The following EMILIN2 variants were observed in gnomAD, a reference collection of about 807,000 sequenced individuals.
EMILIN2 encodes the protein EMILIN-2.
A neutral mutation model predicts 87.1 loss-of-function variants in EMILIN2; 71 were observed. The observed-to-expected ratio is 0.82, with a 90% confidence interval of 0.67 to 0.99. The LOEUF is 0.99. EMILIN2 is among the 50% of genes least tolerant of loss of function. The pLI, the probability that EMILIN2 is intolerant of heterozygous loss-of-function variation, is 0.00. For synonymous variants in EMILIN2, 581 were observed against 563.4 expected (o/e 1.03, Z -0.44); for missense variants, 1,407 against 1,371.8 (o/e 1.03, Z -0.40).
At chr18:2,846,988 C>A, upstream of EMILIN2, 2 of 1,014,648 alleles carry the variant, frequency 2.0e-6, no homozygotes, top group Non-Finnish European at 2.4e-6. This position sits in a 1 kb window ranked among gnomAD's most constrained non-coding sequence, Gnocchi z 5.3. Flanking sequence ...GGGAGAAGCG[C>A]AGGGCGCACG....
intron 7 of EMILIN2, among the ~76,000 whole-genome samples, chr18:2,910,912 A>AG (rs2076937588): frequency 6.6e-6 from 1 of 152,296 alleles, no homozygotes; most frequent in East Asian, 1.9e-4. Flanking sequence ...TCAGGGCGAG[A>AG]GGGAACGCCA....
intron 2 of EMILIN2, among the ~76,000 whole-genome samples, chr18:2,862,093 G>A (rs1274179580): frequency 6.6e-6 from 1 of 152,194 alleles, no homozygotes; most frequent in Non-Finnish European, 1.5e-5. Flanking sequence ...TGTATCCTGA[G>A]ACTTTGCTGA....
intron 2 of EMILIN2, among the ~76,000 whole-genome samples, chr18:2,878,061 A>T (rs59137814): frequency 0.043 from 6,596 of 152,182 alleles, 481 homozygotes; most frequent in African/African-American, 0.15. Context: ...GAATGGGGAG[A>T]TGGTGTTTAA....
At chr18:2,912,902 T>C (rs1429843743) in intron 7 of EMILIN2, among the ~76,000 whole-genome samples, 165 bp from the exon 8 acceptor site, 1 of 151,890 alleles carries the variant, frequency 6.6e-6, no homozygotes, top group Non-Finnish European at 1.5e-5. Context: ...GGGTAGGCTG[T>C]AGGGGATGAG....
Position 2,892,308 on chromosome 18 carries a change from G to GGA in EMILIN2, c.2183_2184dup (p.Gly729ArgfsTer17). 5.6e-6 allele frequency: 9 copies of GGA among 1,614,220 alleles called. No individual in the cohort carries two copies. Among genetic ancestry groups the GGA allele is most frequent in the Admixed American group, 1.7e-5 (1 of 60,026 alleles). On this transcript the variant is annotated frameshift_variant, in exon 4 of 8. Coordinates refer to ENST00000254528, the MANE Select transcript of EMILIN2 (RefSeq NM_032048.3). LOFTEE classifies it high-confidence loss of function. ...TCTCAGGAAATCTTCAGAGGATCAA[G>GGA]GAGGGGCTCAACAAGCATGTCAGCA... is the stretch of plus-strand genomic sequence containing the variant.
At chr18:2,896,846 G>C (rs1020983291) in intron 4 of EMILIN2, among the ~76,000 whole-genome samples, 1 of 152,044 alleles carries the variant, frequency 6.6e-6, no homozygotes, top group Non-Finnish European at 1.5e-5. Flanking sequence ...GGAGACAAAA[G>C]GTCCACAAGT....
intron 4 of EMILIN2, among the ~76,000 whole-genome samples, chr18:2,898,177 A>G (rs1236567973): frequency 1.3e-5 from 2 of 152,136 alleles, no homozygotes; most frequent in East Asian, 3.9e-4. Flanking sequence ...TGAGTGACCC[A>G]TGAGTGATTC....
Position 2,878,206 on chromosome 18 carries a change from G to T in EMILIN2, c.258-6758G>T, listed in dbSNP as rs539412821. On this transcript the variant is annotated intron_variant, in intron 2 of 7. Coordinates refer to ENST00000254528, the MANE Select transcript of EMILIN2 (RefSeq NM_032048.3). ...AAGTGGTTAAGATGCTAAATTTCAG[G>T]TGGCCGGGTGTGGTGGCTCACACCT... Among the ~76,000 whole-genome samples, 23 of 152,236 alleles carry T rather than the reference G, an allele frequency of 1.5e-4. No individual in the cohort carries two copies. In the South Asian group the frequency reaches 4.6e-3, roughly 30 times the overall value.
chr18:2,849,310 A>G (rs1334482564), intron 2 of EMILIN2, among the ~76,000 whole-genome samples: 1 of 152,198 alleles, frequency 6.6e-6, no homozygotes, highest in Non-Finnish European at 1.5e-5. Context: ...TTAGTCAGGA[A>G]TATTTTATTC....
intron 4 of EMILIN2, among the ~76,000 whole-genome samples, chr18:2,898,916 C>G (rs1251092422): frequency 6.6e-6 from 1 of 152,160 alleles, no homozygotes; most frequent in African/African-American, 2.4e-5. Flanking sequence ...TAGGGAACTC[C>G]TGACAACTCG....
chr18:2,856,026 C>T (rs753175148), intron 2 of EMILIN2, among the ~76,000 whole-genome samples: 2 of 152,222 alleles, frequency 1.3e-5, no homozygotes, highest in South Asian at 2.1e-4. Context: ...CGGTTGAAAT[C>T]GTTAAATTCA....
chr18:2,880,656 C>G lies in EMILIN2; in HGVS notation c.258-4308C>G, dbSNP rs2076772666. ...TAACTTTTCCTCTGGCTGCGGGTCC[C>G]TCGGCTTGGCCACCCCCACACTGCA... On this transcript the variant is annotated intron_variant, in intron 2 of 7. Coordinates refer to ENST00000254528, the MANE Select transcript of EMILIN2 (RefSeq NM_032048.3). This position sits in a 1 kb window ranked among gnomAD's most constrained non-coding sequence, Gnocchi z 4.1. Among the ~76,000 whole-genome samples the G allele has an allele frequency of 1.3e-5, 2 of 152,342 alleles. No individual in the cohort carries two copies. Among genetic ancestry groups the G allele is most frequent in the Admixed American group, 6.5e-5 (1 of 15,306 alleles).
chr18:2,877,515 G>A (rs1410516324), intron 2 of EMILIN2, among the ~76,000 whole-genome samples: 1 of 150,312 alleles, frequency 6.7e-6, no homozygotes, highest in African/African-American at 2.4e-5. Context: ...TGGGCGCGGT[G>A]GCCTGTTATC....
chr18:2,858,569 ATG>A (rs1178571289), intron 2 of EMILIN2, among the ~76,000 whole-genome samples: 2,335 of 55,058 alleles, frequency 0.042, 202 homozygotes, highest in Non-Finnish European at 0.056. Context: ...ATATATATAT[ATG>A]TGTGTGTGTG....
At chr18:2,868,204 C>T (rs553785296) in intron 2 of EMILIN2, among the ~76,000 whole-genome samples, 27 of 151,486 alleles carry the variant, frequency 1.8e-4, no homozygotes, top group Non-Finnish European at 2.2e-4. Flanking sequence ...CCAGATGGGG[C>T]GGCGGGGCAG....
chr18:2,882,670 G>T (rs761760859), intron 2 of EMILIN2, among the ~76,000 whole-genome samples: 2 of 152,112 alleles, frequency 1.3e-5, no homozygotes, highest in Non-Finnish European at 2.9e-5. Flanking sequence ...ATCACCTGAG[G>T]TCAGGAGTTC....
At position 2,894,943 on chromosome 18, in the gene EMILIN2, A is replaced by T. The variant is rs956505165; in HGVS notation, c.2359+2457A>T. Among the ~76,000 whole-genome samples the T allele has an allele frequency of 1.3e-5, 2 of 152,186 alleles. No homozygotes were observed. Among genetic ancestry groups the T allele is most frequent in the African/African-American group, 2.4e-5 (1 of 41,446 alleles). On this transcript the variant is annotated intron_variant, in intron 4 of 7. Transcript: ENST00000254528. The surrounding 1 kb of genome is among the most constrained non-coding windows in gnomAD (Gnocchi z 5.0). ...CAAGGCTCTTGGGGGACCTGGAGATAAGTAGGCATAATCCTTATTCTAAAG... is the reference window on the plus strand; with the variant it reads ...CAAGGCTCTTGGGGGACCTGGAGATTAGTAGGCATAATCCTTATTCTAAAG...
intron 3 of EMILIN2, among the ~76,000 whole-genome samples, chr18:2,889,128 C>CTTTTTTTT (rs1218857359): frequency 2.4e-5 from 2 of 83,008 alleles, no homozygotes; most frequent in Non-Finnish European, 5.2e-5. Flanking sequence ...TCATTTCTTT[C>CTTTTTTTT]TTTTCTTTTT....
At chr18:2,907,218 G>A (rs556593027) in intron 5 of EMILIN2, 133 bp downstream of exon 5, 6 of 1,022,566 alleles carry the variant, frequency 5.9e-6, no homozygotes, top group Non-Finnish European at 3.7e-6. Context: ...TGCAGCTTTG[G>A]AAGGATGCCG....
Sources: gnomAD v4.1 joint callset for allele counts (sites outside exome capture counted in the v4.1 genomes callset) on GRCh38, gnomAD v4.1.1 for gene constraint, Gnocchi (gnomAD v3.1) non-coding constraint, MANE v1.5 for transcripts, NCBI Gene and HGNC (gene_info 2026-07-23, HGNC 2026-07-21) for gene names.